CERS3: variants seen among roughly 807,000 people sequenced by gnomAD.
The protein encoded by CERS3 is ceramide synthase 3.
Under a neutral mutation model 50.3 loss-of-function variants are expected in CERS3, and 33 were observed. The observed-to-expected ratio is 0.66, with a 90% CI of 0.50 to 0.88. The LOEUF is 0.88. Ranked by LOEUF, CERS3 falls within the 40% of genes least tolerant of loss-of-function variation. The pLI, the probability that CERS3 is intolerant of heterozygous loss-of-function variation, is 0.00. For missense variants in CERS3, 470 were observed against 460.3 expected, an observed-to-expected ratio of 1.02 and a Z score of -0.19; for synonymous variants, 176 against 155.2, an observed-to-expected ratio of 1.13 and a Z score of -0.99.
intron 11 of CERS3, among the ~76,000 whole-genome samples, chr15:100,406,858 C>T (rs933524104): frequency 6.6e-6 from 1 of 152,160 alleles, no homozygotes; most frequent in Non-Finnish European, 1.5e-5. Context: ...CTTACAGTTC[C>T]ACACTGGCTG....
At chr15:100,465,254 T>C (rs1294189906) in intron 10 of CERS3, among the ~76,000 whole-genome samples, 1 of 152,116 alleles carries the variant, frequency 6.6e-6, no homozygotes, top group Non-Finnish European at 1.5e-5. Flanking sequence ...CACCCTCCAA[T>C]GATACCTATG....
chr15:100,539,017 C>A (rs952966435), intron 1 of CERS3, among the ~76,000 whole-genome samples: 1 of 152,180 alleles, frequency 6.6e-6, no homozygotes, highest in Non-Finnish European at 1.5e-5. Context: ...TACCCTAAAT[C>A]ATCTCTCTCA....
rs144940515 is a variant in CERS3 at position 100,538,517 on chromosome 15, T to C, written c.-355+6134A>G. Among the ~76,000 whole-genome samples the C allele has an allele frequency of 1.0e-3, 157 of 152,348 alleles. 1 individual carries two copies. Among genetic ancestry groups the C allele is most frequent in the African/African-American group, 3.6e-3 (148 of 41,588 alleles). ...GTGCACCTGCAGCCCCAACACCACATGTAAACTTACAAGACTTTGGGCTTG... is the reference window on the plus strand; with the variant it reads ...GTGCACCTGCAGCCCCAACACCACACGTAAACTTACAAGACTTTGGGCTTG... On this transcript the variant is annotated intron_variant, in intron 1 of 12. Coordinates refer to the CERS3 transcript ENST00000284382.
chr15:100,435,871 AAG>A lies in CERS3; in HGVS notation c.999+20020_999+20021del, dbSNP rs1278970589. Among the ~76,000 whole-genome samples the A allele has an allele frequency of 2.0e-5, 3 of 152,244 alleles. No individual in the cohort carries two copies. The East Asian group carries it at 5.8e-4, about 29-fold the overall frequency. Reference sequence around the variant, plus strand: ...CTGTGTGGCCAACAAACATTTGAAAAAGAGCTCATCATCACTGGTCATGAGAG... The same window carrying A: ...CTGTGTGGCCAACAAACATTTGAAAAAGCTCATCATCACTGGTCATGAGAG... On this transcript the variant is annotated intron_variant, in intron 11 of 11. Transcript: ENST00000679737.
At position 100,438,000 on chromosome 15, in the gene CERS3, T is replaced by C. The variant is rs1280364991; in HGVS notation, c.999+17893A>G. ...AAGATTTATGCTGCATTTTAATCTA[T>C]GATCTTGATTACTCATCAATTGGAT... On this transcript the variant is annotated intron_variant, in intron 11 of 11. Transcript: ENST00000679737. The C allele has an allele frequency of 4.0e-5, 6 of 151,788 alleles. No individual in the cohort carries two copies. The South Asian group carries it at 1.0e-3, about 26-fold the overall frequency. The allele number at this position is 151,788 out of a possible 1,614,324, so 9.4% of individuals were successfully genotyped here. A position where few individuals can be genotyped will look rare whatever the true frequency, so the allele number is the denominator to read the frequency against.
At chr15:100,420,625 A>G (rs1258830956) in intron 11 of CERS3, among the ~76,000 whole-genome samples, 1 of 151,838 alleles carries the variant, frequency 6.6e-6, no homozygotes, top group African/African-American at 2.4e-5. Context: ...CAGAGACACA[A>G]CAAAAAAAGA....
intron 11 of CERS3, among the ~76,000 whole-genome samples, chr15:100,411,247 C>T (rs759286090): frequency 1.3e-5 from 2 of 152,074 alleles, no homozygotes; most frequent in African/African-American, 2.4e-5. Context: ...ACTGCAACCT[C>T]GCCTCCCTGG....
intron 11 of CERS3, among the ~76,000 whole-genome samples, chr15:100,423,726 C>T (rs933185486): frequency 6.6e-6 from 1 of 152,106 alleles, no homozygotes; most frequent in Admixed American, 6.5e-5. Context: ...AGTAACAAAC[C>T]TGTACATGTG....
intron 4 of CERS3, among the ~76,000 whole-genome samples, chr15:100,486,989 A>AT (rs57295803): frequency 1.4e-3 from 218 of 151,720 alleles, no homozygotes; most frequent in African/African-American, 4.9e-3. Flanking sequence ...TTTTTTTTCT[A>AT]TTTTGGAGTA....
At chr15:100,472,870 T>C in intron 9 of CERS3, 54 bp downstream of exon 9, 1 of 1,610,410 alleles carries the variant, frequency 6.2e-7, no homozygotes, top group South Asian at 1.1e-5. Flanking sequence ...TGTGAGCAGT[T>C]ACGGAAACCC....
chr15:100,429,930 G>C (rs2033026921), intron 11 of CERS3, among the ~76,000 whole-genome samples: 1 of 151,474 alleles, frequency 6.6e-6, no homozygotes, highest in Non-Finnish European at 1.5e-5. Context: ...CTTTACTTTT[G>C]GTGTATTTTT....
chr15:100,483,601 T>C (rs2035381613), intron 5 of CERS3, among the ~76,000 whole-genome samples: 1 of 151,730 alleles, frequency 6.6e-6, no homozygotes, highest in Non-Finnish European at 1.5e-5. Context: ...AGGGGCAGTA[T>C]GATACAACAA....
intron 11 of CERS3, among the ~76,000 whole-genome samples, chr15:100,405,871 T>C (rs1488909733): frequency 6.6e-6 from 1 of 152,232 alleles, no homozygotes; most frequent in Non-Finnish European, 1.5e-5. Flanking sequence ...AAAAAGCAAA[T>C]ACTGTGGGTT....
At chr15:100,494,439 G>A (rs1215016495) in intron 3 of CERS3, among the ~76,000 whole-genome samples, 1 of 151,304 alleles carries the variant, frequency 6.6e-6, no homozygotes, top group East Asian at 2.0e-4. Flanking sequence ...AGTAGAGATG[G>A]GGTTTCACCA....
rs182383028 is a variant in CERS3 at position 100,485,843 on chromosome 15, G to A, written c.289-1175C>T. 2.1e-4 allele frequency among the ~76,000 whole-genome samples: 32 copies of A among 152,222 alleles called. 1 individual carries two copies. The highest frequency in any genetic ancestry group is 6.7e-4 in the African/African-American group (28 of 41,530). ...TGTGACACTGTACTCCAGCCTGGGC[G>A]ACAGAGAAGGACTCCATCTCTAAAT... is the stretch of plus-strand genomic sequence containing the variant. On this transcript the variant is annotated intron_variant, in intron 4 of 11. Transcript: ENST00000679737.
rs1555533161 is a variant in CERS3, at chr15:100,506,466, C to CCCA, written c.-1-4617_-1-4616insTGG. On this transcript the variant is annotated intron_variant, in intron 2 of 11. Coordinates refer to ENST00000679737, the MANE Select transcript of CERS3 (RefSeq NM_001378789.1). ...CGGGGTGTGAAGAAATCGGGACCCCCCCGCCGCCCCACACACACACACACC... is the reference window on the plus strand; with the variant it reads ...CGGGGTGTGAAGAAATCGGGACCCCCCCACCGCCGCCCCACACACACACACACC... Among the ~76,000 whole-genome samples, 2 of 15,432 alleles carry CCCA rather than the reference C, an allele frequency of 1.3e-4. 1 individual carries two copies. The highest frequency in any genetic ancestry group is 7.6e-4 in the Non-Finnish European group (2 of 2,620). The allele number at this position is 15,432 out of a possible 152,430, so 10.1% of individuals were successfully genotyped here.
In CERS3 at chr15:100,481,209, G is replaced by A. The variant is rs56901607; in HGVS notation, c.408-1163C>T. On this transcript the variant is annotated intron_variant, in intron 5 of 11. Coordinates refer to ENST00000679737, the MANE Select transcript of CERS3 (RefSeq NM_001378789.1). ...CCCAGCTCATGTAGCTAAGAAGGAG[G>A]AAAGCTGCACCTTGAAGTGCAGCTC... Among the ~76,000 whole-genome samples the A allele has an allele frequency of 6.8e-3, 1,034 of 152,274 alleles. 15 individuals are homozygous for A. Among genetic ancestry groups the A allele is most frequent in the African/African-American group, 0.023 (957 of 41,564 alleles).
At chr15:100,458,766 T>C (rs896397249) in intron 10 of CERS3, among the ~76,000 whole-genome samples, 9 of 152,206 alleles carry the variant, frequency 5.9e-5, no homozygotes, top group Admixed American at 3.3e-4. Flanking sequence ...AAAGTGCTTC[T>C]ATTTTGCCCC....
Position 100,417,883 on chromosome 15 carries a change from A to C in CERS3, c.1000-15018T>G, listed in dbSNP as rs558081227. 2.8e-4 allele frequency among the ~76,000 whole-genome samples: 42 copies of C among 152,122 alleles called. No individual in the cohort carries two copies. The Middle Eastern group carries it at 0.014, about 49-fold the overall frequency. On this transcript the variant is annotated intron_variant, in intron 11 of 11. Coordinates refer to ENST00000679737, the MANE Select transcript of CERS3 (RefSeq NM_001378789.1). ...GCAGCTGAGGGTCCTCTCTGTTAGA[A>C]GGAAAACTAACAAACAGAAAGGACA...
Sources: gnomAD v4.1 joint callset for allele counts (sites outside exome capture counted in the v4.1 genomes callset) on GRCh38, gnomAD v4.1.1 for gene constraint, MANE v1.5 for transcripts, NCBI Gene and HGNC (gene_info 2026-07-23, HGNC 2026-07-21) for gene names.